Variants in ERMAP observed in about 807,000 individuals in gnomAD.
The protein encoded by ERMAP is erythroblast membrane associated protein (Scianna blood group).
In ERMAP, 34 loss-of-function variants were observed where a neutral mutation model predicts 49.5. The observed-to-expected ratio is 0.69, with a 90% CI of 0.52 to 0.91. ERMAP has a LOEUF of 0.91. Among genes scored for constraint, ERMAP ranks in the 40% least tolerant of loss-of-function variants. ERMAP has a pLI of 0.00. For synonymous variants in ERMAP, 214 were observed against 232.2 expected, an observed-to-expected ratio of 0.92 and a Z score of 0.71; for missense variants, 541 against 582.6, an observed-to-expected ratio of 0.93 and a Z score of 0.74.
intron 4 of ERMAP, among the ~76,000 whole-genome samples, chr1:42,832,202 T>C (rs1654763931): frequency 9.2e-6 from 1 of 108,644 alleles, no homozygotes; most frequent in Admixed American, 9.5e-5. Context: ...TTTTTTTTTT[T>C]TTTTTTGAGA....
At chr1:42,831,995 C>G (rs192043356) in intron 4 of ERMAP, among the ~76,000 whole-genome samples, 8 of 152,204 alleles carry the variant, frequency 5.3e-5, no homozygotes, top group Non-Finnish European at 8.8e-5. Flanking sequence ...CCCAACTCAA[C>G]CCAACCCAAA....
Position 42,839,917 on chromosome 1 carries a change from A to C in ERMAP, c.638-116A>C. ...TTGCAAACTCTTCTGGGGAAGTTCC[A>C]GGGTATAGCTATTGAGTATCTGTCT... On this transcript the variant is annotated intron_variant, in intron 8 of 11. Coordinates refer to ENST00000372517, the MANE Select transcript of ERMAP (RefSeq NM_001017922.2). The C allele has an allele frequency of 4.8e-6, 5 of 1,041,178 alleles. No individual in the cohort carries two copies. The South Asian group carries it at 6.7e-5, about 14-fold the overall frequency. The allele number at this position is 1,041,178 out of a possible 1,614,324, so 64.5% of individuals were successfully genotyped here.
intron 1 of ERMAP, 63 bp from the exon 2 acceptor site, chr1:42,825,560 C>T (rs1265821018): frequency 4.1e-6 from 5 of 1,231,774 alleles, no homozygotes; most frequent in Middle Eastern, 7.2e-4. Flanking sequence ...TCTGTGGGGG[C>T]AGAGAGAGCC....
intron 2 of ERMAP, 24 bp from the exon 3 acceptor site, chr1:42,830,420 G>A (rs1171949400): frequency 1.2e-6 from 2 of 1,610,654 alleles, no homozygotes; most frequent in South Asian, 2.2e-5. Flanking sequence ...GCCCGCTTGT[G>A]CTGTCTCCCT....
At chr1:42,820,563 C>T (rs1570525954) in intron 1 of ERMAP, among the ~76,000 whole-genome samples, 1 of 151,884 alleles carries the variant, frequency 6.6e-6, no homozygotes, top group Non-Finnish European at 1.5e-5. Context: ...TGTTCCATTT[C>T]CTGGTTTTGT....
At chr1:42,835,227 A>G in intron 5 of ERMAP, 73 bp downstream of exon 5, 1 of 781,696 alleles carries the variant, frequency 1.3e-6, no homozygotes, top group South Asian at 1.4e-5. Context: ...GGCCAGACGG[A>G]AGTAGATGTA....
intron 1 of ERMAP, among the ~76,000 whole-genome samples, chr1:42,821,927 CA>C (rs1171296031): frequency 6.6e-6 from 1 of 151,112 alleles, no homozygotes; most frequent in African/African-American, 2.4e-5. Context: ...GCAAGAGGAT[CA>C]CTTGAGCCTA....
intron 5 of ERMAP, 149 bp downstream of exon 5, chr1:42,835,303 GC>G (rs1400212677): frequency 3.1e-6 from 2 of 637,738 alleles, no homozygotes; most frequent in East Asian, 2.7e-5. Context: ...GTAGAGCCAT[GC>G]CCTGGGGACA....
chr1:42,821,179 C>T (rs927671096), intron 1 of ERMAP, among the ~76,000 whole-genome samples: 5 of 152,216 alleles, frequency 3.3e-5, no homozygotes, highest in African/African-American at 9.6e-5. Context: ...TGCACAGTTA[C>T]TTACTGTCCT....
rs79221806 is a variant in ERMAP at position 42,835,194 on chromosome 1, G to A, written c.550+40G>A. Reference sequence around the variant, plus strand: ...AGGGAGCTCAGGCTGGTGGGAAGTGGGACTATGACTGCTCTGGGAAAGGGC... The same window carrying A: ...AGGGAGCTCAGGCTGGTGGGAAGTGAGACTATGACTGCTCTGGGAAAGGGC... On this transcript the variant is annotated intron_variant, in intron 5 of 11. Transcript: ENST00000372517. 1,053 of 858,464 alleles carry A rather than the reference G, an allele frequency of 1.2e-3. 6 individuals are homozygous for A. In the African/African-American group the frequency reaches 0.016, roughly 13 times the overall value. The allele number at this position is 858,464 out of a possible 1,614,324, so 53.2% of individuals were successfully genotyped here. A position where few individuals can be genotyped will look rare whatever the true frequency, so the allele number is the denominator to read the frequency against.
Position 42,837,185 on chromosome 1 carries a change from A to T in ERMAP, c.611A>T (p.Glu204Val). ...AATCTTCTTTCAGACCATGCTAAAG[A>T]AAAAGGTAATGATATAAAAGAGTAA... ...VDNLLSDHAK[E>V]KGKLHKAVKK... The change falls in exon 7 of 12, where the codon GAA becomes GTA. Residue 204 changes from glutamate to valine, a missense_variant. By Grantham distance (121) the Glu-to-Val change is moderately radical (BLOSUM62 -2). Transcript: ENST00000372517. The T allele has an allele frequency of 1.2e-6, 2 of 1,613,656 alleles. No individual in the cohort carries two copies. Among genetic ancestry groups the T allele is most frequent in the Non-Finnish European group, 1.7e-6 (2 of 1,179,576 alleles).
chr1:42,839,010 G>C, intron 8 of ERMAP, 89 bp downstream of exon 8: 1 of 1,605,794 alleles, frequency 6.2e-7, no homozygotes, highest in Non-Finnish European at 8.5e-7. Flanking sequence ...TCCTGGGGCA[G>C]AAGGGAGGGG....
At chr1:42,823,175 C>T (rs1257867188) in intron 1 of ERMAP, among the ~76,000 whole-genome samples, 1 of 152,180 alleles carries the variant, frequency 6.6e-6, no homozygotes, top group African/African-American at 2.4e-5. Context: ...TTAGTTGTGA[C>T]ATGAAATCTG....
At chr1:42,823,567 T>C (rs1001133127) in intron 1 of ERMAP, among the ~76,000 whole-genome samples, 1 of 152,242 alleles carries the variant, frequency 6.6e-6, no homozygotes. Flanking sequence ...AGAAAATGCC[T>C]GCCAAATACC....
chr1:42,833,842 TCAC>T (rs1006955948), intron 4 of ERMAP, among the ~76,000 whole-genome samples: 5 of 152,026 alleles, frequency 3.3e-5, no homozygotes, highest in African/African-American at 1.2e-4. Context: ...CAGGTGTGAG[TCAC>T]CACACCTGGC....
At chr1:42,820,278 T>C (rs1654373098) in intron 1 of ERMAP, among the ~76,000 whole-genome samples, 1 of 152,186 alleles carries the variant, frequency 6.6e-6, no homozygotes, top group Admixed American at 6.5e-5. Flanking sequence ...TAACAAACTG[T>C]CCTTTAAGTA....
rs757747123 is a variant in ERMAP, at chr1:42,842,656, C to G, written c.852C>G (p.Gly284=). 5.0e-6 allele frequency: 8 copies of G among 1,614,172 alleles called. No individual in the cohort carries two copies. In the South Asian group the frequency reaches 8.8e-5, roughly 18 times the overall value. The change falls in exon 12 of 12, where the codon GGC becomes GGG. Residue 284 remains glycine (G), a synonymous_variant. Coordinates refer to ENST00000372517, the MANE Select transcript of ERMAP (RefSeq NM_001017922.2). ...TTGATTTCGTTGTCAGCATCCTAGG[C>G]TCTGAGTACTTCACGACTGGCTGCC... ...QRFDFVVSIL[G]SEYFTTGCHY...
intron 4 of ERMAP, among the ~76,000 whole-genome samples, chr1:42,831,992 C>T (rs1231552083): frequency 6.6e-6 from 1 of 152,100 alleles, no homozygotes; most frequent in African/African-American, 2.4e-5. Flanking sequence ...AAACCCAACT[C>T]AACCCAACCC....
At chr1:42,831,571 T>TTTCTTTC (rs1553149742) in intron 4 of ERMAP, among the ~76,000 whole-genome samples, 1 of 79,914 alleles carries the variant, frequency 1.3e-5, no homozygotes, top group Non-Finnish European at 2.3e-5. Flanking sequence ...TTTTTTTTTT[T>TTTCTTTC]TCTCTTTTTT....
Sources: allele counts gnomAD v4.1 joint callset (sites outside exome capture counted in the v4.1 genomes callset), GRCh38; gene constraint gnomAD v4.1.1; transcripts MANE v1.5; gene names NCBI Gene and HGNC (gene_info 2026-07-23, HGNC 2026-07-21).